Variants in STK32B observed in about 807,000 individuals in gnomAD.
The protein encoded by STK32B is serine/threonine kinase 32B.
In STK32B, 43 loss-of-function variants were observed where a neutral mutation model predicts 52.6. The ratio of observed to expected loss-of-function variants is 0.82; its 90% CI spans 0.64 to 1.05. The LOEUF (loss-of-function observed/expected upper bound fraction) is 1.05, where lower values mean the gene tolerates loss of function less well. Ranked by LOEUF, STK32B falls within the 50% of genes least tolerant of loss-of-function variation. The pLI, the probability that STK32B is intolerant of heterozygous loss-of-function variation, is 0.00. For synonymous variants in STK32B, 238 were observed against 204.3 expected (o/e 1.17, Z -1.41); for missense variants, 621 against 534.6 (o/e 1.16, Z -1.59).
Position 5,335,149 on chromosome 4 carries a change from T to G in STK32B, c.434+3756T>G, listed in dbSNP as rs527958599. On this transcript the variant is annotated intron_variant, in intron 4 of 11. Transcript: ENST00000282908. The stretch of plus-strand genomic sequence containing the variant: ...GTAAGCTATTGATTATTGCCACAAT[T>G]TCAGATCCTGTTATTGATCTATTCA... Among the ~76,000 whole-genome samples, 5 of 152,344 alleles carry G rather than the reference T, an allele frequency of 3.3e-5. No homozygotes were observed. The East Asian group carries it at 9.6e-4, about 29-fold the overall frequency.
intron 11 of STK32B, among the ~76,000 whole-genome samples, chr4:5,492,854 T>C (rs1474800975): frequency 1.3e-5 from 2 of 151,082 alleles, no homozygotes; most frequent in African/African-American, 4.9e-5. Context: ...TTGTCTTTGG[T>C]TCTGTTTATA....
intron 4 of STK32B, among the ~76,000 whole-genome samples, chr4:5,356,038 G>A (rs1469608704): frequency 2.0e-5 from 3 of 152,160 alleles, no homozygotes; most frequent in African/African-American, 7.2e-5. Flanking sequence ...GGGATTGGCT[G>A]GTTCCATGTC....
chr4:5,071,645 A>G (rs142825234), intron 1 of STK32B, among the ~76,000 whole-genome samples: 150 of 152,318 alleles, frequency 9.8e-4, no homozygotes, highest in Admixed American at 1.5e-3. Flanking sequence ...TATGCCATCA[A>G]TCTTCCTGGA....
chr4:5,193,287 T>G (rs568852633), intron 3 of STK32B, among the ~76,000 whole-genome samples: 1 of 152,256 alleles, frequency 6.6e-6, no homozygotes, highest in Admixed American at 6.5e-5. Flanking sequence ...CCCCTCATCC[T>G]CCTTGCTCGG....
intron 3 of STK32B, chr4:5,204,171 T>G (rs1722376887): frequency 6.6e-6 from 1 of 152,128 alleles, no homozygotes; most frequent in Admixed American, 6.5e-5. Context: ...AGCTGCACTT[T>G]CGAAAGAGCA....
chr4:5,028,439 T>G, the STK32B span, among the ~76,000 whole-genome samples: 5 of 152,356 alleles, frequency 3.3e-5, no homozygotes, highest in African/African-American at 1.2e-4. Flanking sequence ...TGAAGTTACA[T>G]ACAGCAACAT....
chr4:5,324,079 C>T (rs931033805), intron 3 of STK32B, among the ~76,000 whole-genome samples: 2 of 152,236 alleles, frequency 1.3e-5, no homozygotes, highest in African/African-American at 4.8e-5. Context: ...TTAGGCCGGG[C>T]ACGGCAGCTC....
At chr4:5,493,444 T>C (rs1422806485) in intron 11 of STK32B, among the ~76,000 whole-genome samples, 2 of 152,194 alleles carry the variant, frequency 1.3e-5, no homozygotes, top group African/African-American at 4.8e-5. Flanking sequence ...TCATTTTTTA[T>C]TGCGTGTATT....
chr4:5,416,810 C>T, intron 5 of STK32B, 35 bp from the exon 6 acceptor site: 1 of 1,596,222 alleles, frequency 6.3e-7, no homozygotes, highest in Non-Finnish European at 8.6e-7. Flanking sequence ...GCCTGCAGCC[C>T]ACGCTAACTG....
At chr4:5,390,594 C>T (rs550004675) in intron 4 of STK32B, among the ~76,000 whole-genome samples, 35 of 152,232 alleles carry the variant, frequency 2.3e-4, no homozygotes, top group African/African-American at 7.5e-4. Flanking sequence ...TGGCCTTCTC[C>T]TCTGTGTGTA....
At chr4:5,096,344 C>T (rs747639257) in intron 1 of STK32B, among the ~76,000 whole-genome samples, 3 of 152,218 alleles carry the variant, frequency 2.0e-5, no homozygotes, top group Non-Finnish European at 2.9e-5. Context: ...CCTCTCCTGG[C>T]ATGATTGGCT....
intron 1 of STK32B, among the ~76,000 whole-genome samples, chr4:5,064,031 T>TA (rs1351688339): frequency 6.6e-6 from 1 of 152,058 alleles, no homozygotes. Context: ...TGGCTCTTTA[T>TA]ATAGTCTACA....
Position 5,453,606 on chromosome 4 carries a change from A to G in STK32B, c.667-3201A>G, listed in dbSNP as rs1257744776. Among the ~76,000 whole-genome samples, 1 of 152,200 alleles carries G rather than the reference A, an allele frequency of 6.6e-6. No homozygotes were observed. The highest frequency in any genetic ancestry group is 2.4e-5 in the African/African-American group (1 of 41,450). On this transcript the variant is annotated intron_variant, in intron 7 of 11. Transcript: ENST00000282908. The surrounding 1 kb of genome is among the most constrained non-coding windows in gnomAD (Gnocchi z 4.0). ...GCAAAAAAGACAGGAAGGAGCAATT[A>G]TAAATAGTCCAAAACGGCTGGGTGC... is the stretch of plus-strand genomic sequence containing the variant.
intron 1 of STK32B, among the ~76,000 whole-genome samples, chr4:5,129,702 C>T (rs1225624499): frequency 1.3e-5 from 2 of 152,154 alleles, no homozygotes; most frequent in Non-Finnish European, 2.9e-5. Flanking sequence ...GCATTAATCA[C>T]CTTAACAACC....
intron 1 of STK32B, among the ~76,000 whole-genome samples, chr4:5,087,961 A>G (rs1300296386): frequency 6.6e-6 from 1 of 152,134 alleles, no homozygotes; most frequent in Non-Finnish European, 1.5e-5. Flanking sequence ...GGACATGTAT[A>G]TAACAGTCCA....
At chr4:5,301,122 A>T (rs1400312107) in intron 3 of STK32B, among the ~76,000 whole-genome samples, 2 of 152,130 alleles carry the variant, frequency 1.3e-5, no homozygotes, top group African/African-American at 4.8e-5. Context: ...CATTCCTGGC[A>T]TAAATCCTAC....
At chr4:5,496,061 C>A (rs1433424088) in intron 11 of STK32B, among the ~76,000 whole-genome samples, 1 of 152,228 alleles carries the variant, frequency 6.6e-6, no homozygotes, top group Non-Finnish European at 1.5e-5. Context: ...TCTGCCTGTT[C>A]TCAGATCTCC....
At chr4:5,431,508 T>TC (rs1713578023) in intron 6 of STK32B, among the ~76,000 whole-genome samples, 1 of 78,582 alleles carries the variant, frequency 1.3e-5, no homozygotes, top group African/African-American at 7.3e-5. Flanking sequence ...CTTCCAAAAG[T>TC]CCTTTTTTTT....
intron 11 of STK32B, among the ~76,000 whole-genome samples, chr4:5,496,832 C>T (rs991254550): frequency 6.7e-6 from 1 of 150,050 alleles, no homozygotes; most frequent in Non-Finnish European, 1.5e-5. Flanking sequence ...GCATGAAGAT[C>T]AAAGTGATTT....
Sources: gnomAD v4.1 joint callset for allele counts (sites outside exome capture counted in the v4.1 genomes callset) on GRCh38, gnomAD v4.1.1 for gene constraint, Gnocchi (gnomAD v3.1) non-coding constraint, MANE v1.5 for transcripts, NCBI Gene and HGNC (gene_info 2026-07-23, HGNC 2026-07-21) for gene names.